The following SCFD2 variants were observed in gnomAD, a reference collection of about 807,000 sequenced individuals.
SCFD2 encodes the protein sec1 family domain-containing protein 2.
SCFD2 carries 54 observed loss-of-function variants against 58.9 expected under a neutral mutation model. That is an observed-to-expected ratio of 0.92 (90% confidence interval 0.74 to 1.15). The LOEUF (loss-of-function observed/expected upper bound fraction) is 1.15. Among genes scored for constraint, SCFD2 ranks in the 50% most tolerant of loss-of-function variants. The probability of loss-of-function intolerance (pLI) is 0.00; values close to 1 mark genes in which losing one functional copy is unlikely to be tolerated. For synonymous variants in SCFD2, 321 were observed against 335.9 expected, an observed-to-expected ratio of 0.96 and a Z score of 0.49; for missense variants, 805 against 836.6, an observed-to-expected ratio of 0.96 and a Z score of 0.47.
chr4:53,189,149 T>A (rs911829094), intron 4 of SCFD2, among the ~76,000 whole-genome samples: 12 of 152,240 alleles, frequency 7.9e-5, no homozygotes, highest in African/African-American at 2.7e-4. Context: ...TGGAGTTTCA[T>A]GCTGAAAGAA....
intron 4 of SCFD2, among the ~76,000 whole-genome samples, chr4:53,232,367 C>T (rs1459784763): frequency 6.6e-6 from 1 of 152,002 alleles, no homozygotes; most frequent in Admixed American, 6.6e-5. Context: ...GGGTGATAAT[C>T]TATCAATTTT....
At chr4:52,920,965 T>G (rs927386480) in intron 5 of SCFD2, 95 bp from the exon 6 acceptor site, 15 of 575,792 alleles carry the variant, frequency 2.6e-5, no homozygotes, top group Non-Finnish European at 3.9e-5. Flanking sequence ...GGAGGTTTTT[T>G]TTTTTCTTTA....
chr4:52,973,114 A>T (rs1443387839), intron 5 of SCFD2, among the ~76,000 whole-genome samples: 1 of 152,182 alleles, frequency 6.6e-6, no homozygotes, highest in Non-Finnish European at 1.5e-5. Flanking sequence ...AGAACTAGAG[A>T]AGCAAGAGCA....
At chr4:53,356,547 T>C (rs183334233) in intron 1 of SCFD2, among the ~76,000 whole-genome samples, 42 of 152,174 alleles carry the variant, frequency 2.8e-4, no homozygotes, top group African/African-American at 9.9e-4. Context: ...CACCTCAGCC[T>C]CCTGAAGAGC....
chr4:53,276,101 T>C (rs1577922830), intron 3 of SCFD2, among the ~76,000 whole-genome samples: 1 of 152,158 alleles, frequency 6.6e-6, no homozygotes, highest in East Asian at 1.9e-4. Context: ...CTAGGACAGA[T>C]GTTAAGTATA....
chr4:52,897,704 T>C (rs896784715), intron 7 of SCFD2, among the ~76,000 whole-genome samples: 1 of 152,236 alleles, frequency 6.6e-6, no homozygotes, highest in Non-Finnish European at 1.5e-5. Context: ...CTTTTTCTAT[T>C]GACTGGAATA....
At chr4:53,345,456 G>A (rs1273951451) in intron 2 of SCFD2, among the ~76,000 whole-genome samples, 2 of 152,174 alleles carry the variant, frequency 1.3e-5, no homozygotes, top group African/African-American at 4.8e-5. Context: ...AATAGCTGCT[G>A]GAGAGGATGT....
At chr4:53,052,083 T>G (rs1158206637) in intron 5 of SCFD2, among the ~76,000 whole-genome samples, 1 of 152,196 alleles carries the variant, frequency 6.6e-6, no homozygotes, top group Non-Finnish European at 1.5e-5. Flanking sequence ...ATTCCCCTTC[T>G]TAAAACCTTT....
chr4:53,339,328 T>G (rs975233767), intron 2 of SCFD2, among the ~76,000 whole-genome samples: 1 of 150,698 alleles, frequency 6.6e-6, no homozygotes, highest in Non-Finnish European at 1.5e-5. Flanking sequence ...TTATTACATA[T>G]ATATGTATAC....
At chr4:53,277,134 C>A (rs972098809) in intron 3 of SCFD2, among the ~76,000 whole-genome samples, 3 of 152,124 alleles carry the variant, frequency 2.0e-5, no homozygotes, top group African/African-American at 7.2e-5. Context: ...GTGAACAAAT[C>A]CAGACAAAAA....
At chr4:53,217,867 G>A (rs1234970200) in intron 4 of SCFD2, among the ~76,000 whole-genome samples, 1 of 152,158 alleles carries the variant, frequency 6.6e-6, no homozygotes, top group Non-Finnish European at 1.5e-5. Context: ...GCATTTGCTT[G>A]TCTGTAAAGG....
chr4:53,117,149 G>A (rs1430823344), intron 5 of SCFD2, among the ~76,000 whole-genome samples: 2 of 152,116 alleles, frequency 1.3e-5, no homozygotes, highest in Non-Finnish European at 2.9e-5. Context: ...TCCAGACCAC[G>A]CTGACTCCTA....
intron 5 of SCFD2, among the ~76,000 whole-genome samples, chr4:53,019,681 A>G (rs1244799682): frequency 6.6e-6 from 1 of 152,180 alleles, no homozygotes; most frequent in East Asian, 1.9e-4. Context: ...ATCACTTAAA[A>G]AAATCACCTC....
chr4:52,969,065 C>T (rs1162316613), intron 5 of SCFD2, among the ~76,000 whole-genome samples: 1 of 152,164 alleles, frequency 6.6e-6, no homozygotes, highest in African/African-American at 2.4e-5. Flanking sequence ...GTCCAATCAC[C>T]CTGGCCTGTC....
intron 2 of SCFD2, among the ~76,000 whole-genome samples, chr4:53,319,551 TAGA>T (rs57221031): frequency 0.59 from 88,872 of 149,766 alleles, 26,340 homozygotes; most frequent in Middle Eastern, 0.65. Flanking sequence ...TTTTTTTTTT[TAGA>T]AGGAGTCTCG....
chr4:53,252,610 T>C (rs1248858922), intron 4 of SCFD2, among the ~76,000 whole-genome samples: 1 of 151,626 alleles, frequency 6.6e-6, no homozygotes, highest in East Asian at 1.9e-4. Flanking sequence ...TCTTTGACAA[T>C]CCTGAGAAAA....
At chr4:53,015,806 C>T (rs1273441009) in intron 5 of SCFD2, among the ~76,000 whole-genome samples, 2 of 152,092 alleles carry the variant, frequency 1.3e-5, no homozygotes, top group South Asian at 2.1e-4. Context: ...TGAGCCACAA[C>T]GAGGCGCTCT....
intron 4 of SCFD2, among the ~76,000 whole-genome samples, chr4:53,160,471 C>T (rs572629283): frequency 3.9e-5 from 6 of 151,962 alleles, no homozygotes; most frequent in Non-Finnish European, 7.4e-5. Context: ...AGACTGAATA[C>T]GGAGTATAAG....
chr4:53,097,970 T>A (rs531276142), intron 5 of SCFD2, among the ~76,000 whole-genome samples: 1 of 152,362 alleles, frequency 6.6e-6, no homozygotes, highest in African/African-American at 2.4e-5. Context: ...TCTATTGAGA[T>A]AATCATGTGG....
Sources: allele counts gnomAD v4.1 joint callset (sites outside exome capture counted in the v4.1 genomes callset), GRCh38; gene constraint gnomAD v4.1.1; transcripts MANE v1.5; gene names NCBI Gene and HGNC (gene_info 2026-07-23, HGNC 2026-07-21).